Variants in CNTN5 observed in about 807,000 individuals in gnomAD.
The protein encoded by CNTN5 is contactin 5.
In CNTN5, 77 loss-of-function variants were observed where a neutral mutation model predicts 129.1. The observed-to-expected ratio is 0.60, with a 90% CI of 0.50 to 0.72. The LOEUF is 0.72. Among genes scored for constraint, CNTN5 ranks in the 30% least tolerant of loss-of-function variants. The pLI, the probability that CNTN5 is intolerant of heterozygous loss-of-function variation, is 0.00. For missense variants in CNTN5, 1,478 were observed against 1,328.8 expected (o/e 1.11, Z -1.75); for synonymous variants, 509 against 465.6 (o/e 1.09, Z -1.20).
At chr11:99,180,816 C>T (rs1171978344) in intron 1 of CNTN5, among the ~76,000 whole-genome samples, 1 of 152,174 alleles carries the variant, frequency 6.6e-6, no homozygotes, top group South Asian at 2.1e-4. Context: ...AAATACCACA[C>T]CCACCATGGC....
intron 10 of CNTN5, among the ~76,000 whole-genome samples, chr11:100,068,679 A>G (rs1235289212): frequency 2.0e-5 from 3 of 152,172 alleles, no homozygotes; most frequent in Non-Finnish European, 4.4e-5. Context: ...GCAGGTACAA[A>G]AATCATGATG....
intron 3 of CNTN5, among the ~76,000 whole-genome samples, chr11:99,790,612 G>C (rs573541127): frequency 6.6e-6 from 1 of 152,134 alleles, no homozygotes; most frequent in Admixed American, 6.5e-5. Flanking sequence ...TTAATATTGT[G>C]AATATTGCTA....
rs577844106 is a variant in CNTN5 at position 99,994,122 on chromosome 11, A to G, written c.878-7912A>G. On this transcript the variant is annotated intron_variant, in intron 8 of 24. Coordinates refer to ENST00000524871, the MANE Select transcript of CNTN5 (RefSeq NM_014361.4). ...TGGGCAAAATTACCCCCCAAATACT[A>G]TCAGAAGTACCCATCCTTTGGGTCA... is the stretch of plus-strand genomic sequence containing the variant. Among the ~76,000 whole-genome samples the G allele has an allele frequency of 7.2e-5, 11 of 152,044 alleles. 1 individual carries two copies. The South Asian group carries it at 2.3e-3, about 32-fold the overall frequency.
chr11:99,329,158 G>C (rs1865905902), intron 2 of CNTN5, among the ~76,000 whole-genome samples: 1 of 152,070 alleles, frequency 6.6e-6, no homozygotes, highest in Admixed American at 6.6e-5. Context: ...GGAGATGTAA[G>C]AAAACTGAAT....
At chr11:99,458,888 A>G (rs1260401251) in intron 2 of CNTN5, among the ~76,000 whole-genome samples, 2 of 151,990 alleles carry the variant, frequency 1.3e-5, no homozygotes, top group East Asian at 3.9e-4. Context: ...ATGTACTGTA[A>G]GAAGGAATTG....
intron 1 of CNTN5, among the ~76,000 whole-genome samples, chr11:99,200,624 T>A (rs1008076227): frequency 2.0e-5 from 3 of 152,188 alleles, no homozygotes; most frequent in African/African-American, 7.2e-5. Context: ...CAATATGGAA[T>A]AAAGTACTTA....
chr11:99,335,199 T>C (rs1866170083), intron 2 of CNTN5, among the ~76,000 whole-genome samples: 1 of 152,116 alleles, frequency 6.6e-6, no homozygotes, highest in African/African-American at 2.4e-5. Flanking sequence ...TTAATATCTC[T>C]AGGAATTTAA....
intron 13 of CNTN5, among the ~76,000 whole-genome samples, chr11:100,161,740 TATTA>T (rs1460579799): frequency 6.6e-6 from 1 of 151,432 alleles, no homozygotes; most frequent in Non-Finnish European, 1.5e-5. Context: ...AGAAGGTGGT[TATTA>T]ATTTTAGTAA....
At chr11:99,932,692 A>G (rs1565691518) in intron 7 of CNTN5, among the ~76,000 whole-genome samples, 1 of 152,236 alleles carries the variant, frequency 6.6e-6, no homozygotes, top group Non-Finnish European at 1.5e-5. Context: ...TAATGAGATG[A>G]TATATGTAAA....
chr11:99,657,589 A>G (rs924095477), intron 3 of CNTN5, among the ~76,000 whole-genome samples: 12 of 152,150 alleles, frequency 7.9e-5, no homozygotes, highest in African/African-American at 2.2e-4. Flanking sequence ...TGTGTGTTTC[A>G]TAGGAAGGTT....
intron 1 of CNTN5, among the ~76,000 whole-genome samples, chr11:99,204,254 A>T (rs984243624): frequency 3.3e-5 from 5 of 152,228 alleles, no homozygotes; most frequent in African/African-American, 1.2e-4. Context: ...CAATTTCTAA[A>T]GCAGTGTTTT....
At chr11:99,825,895 A>C (rs567614539) in intron 4 of CNTN5, among the ~76,000 whole-genome samples, 15 of 152,280 alleles carry the variant, frequency 9.9e-5, no homozygotes, top group Admixed American at 3.3e-4. Context: ...ATTCAAAAGA[A>C]AATATAATAT....
intron 13 of CNTN5, among the ~76,000 whole-genome samples, chr11:100,160,655 C>T (rs1424136113): frequency 6.6e-6 from 1 of 151,912 alleles, no homozygotes; most frequent in Non-Finnish European, 1.5e-5. Flanking sequence ...ACTTTGTGCA[C>T]ACTCAAGTTA....
intron 3 of CNTN5, among the ~76,000 whole-genome samples, chr11:99,719,316 T>C (rs1943089072): frequency 6.6e-6 from 1 of 151,888 alleles, no homozygotes; most frequent in South Asian, 2.1e-4. Context: ...TGAGACTTTG[T>C]CGGGAAAAAG....
At chr11:99,683,096 T>G (rs1205752252) in intron 3 of CNTN5, among the ~76,000 whole-genome samples, 1 of 151,968 alleles carries the variant, frequency 6.6e-6, no homozygotes. Context: ...ATTATCTATA[T>G]GACTACATGA....
chr11:99,951,444 A>T (rs1247334289), intron 7 of CNTN5, among the ~76,000 whole-genome samples: 1 of 152,026 alleles, frequency 6.6e-6, no homozygotes, highest in African/African-American at 2.4e-5. Flanking sequence ...AGGAGCCAAA[A>T]TGATTTTTCT....
intron 1 of CNTN5, among the ~76,000 whole-genome samples, chr11:99,259,913 G>A (rs1384752574): frequency 2.6e-5 from 4 of 151,274 alleles, no homozygotes; most frequent in Non-Finnish European, 4.4e-5. Context: ...CATATATTTT[G>A]GTCACTCTGT....
At chr11:99,785,187 G>C (rs1945473867) in intron 3 of CNTN5, among the ~76,000 whole-genome samples, 2 of 152,126 alleles carry the variant, frequency 1.3e-5, no homozygotes, top group South Asian at 4.2e-4. Context: ...TATGTTTATT[G>C]GCCACATAAA....
chr11:99,180,673 C>T (rs774857620), intron 1 of CNTN5, among the ~76,000 whole-genome samples: 5 of 152,134 alleles, frequency 3.3e-5, no homozygotes, highest in Non-Finnish European at 5.9e-5. Context: ...TAATATTTAA[C>T]TTTCCCTTCA....
Sources: gnomAD v4.1 joint callset for allele counts (sites outside exome capture counted in the v4.1 genomes callset) on GRCh38, gnomAD v4.1.1 for gene constraint, MANE v1.5 for transcripts, NCBI Gene and HGNC (gene_info 2026-07-23, HGNC 2026-07-21) for gene names.